Variants in NTM observed in about 807,000 individuals in gnomAD.
NTM encodes the protein neurotrimin.
A neutral mutation model predicts 42.1 loss-of-function variants in NTM; 13 were observed. That is an observed-to-expected ratio of 0.31 (90% CI 0.20 to 0.49). The LOEUF is 0.49. NTM is among the 20% of genes least tolerant of loss of function. The pLI is 0.99. For synonymous variants in NTM, 187 were observed against 179.2 expected (o/e 1.04, Z -0.35); for missense variants, 373 against 452.8 (o/e 0.82, Z 1.60).
chr11:131,513,027 T>C (rs1439283021), intron 1 of NTM, among the ~76,000 whole-genome samples: 1 of 152,200 alleles, frequency 6.6e-6, no homozygotes. Context: ...CTGCACTTAA[T>C]ACCTTGTTTT....
intron 2 of NTM, among the ~76,000 whole-genome samples, chr11:132,075,469 C>A (rs1440582335): frequency 6.6e-6 from 1 of 151,698 alleles, no homozygotes; most frequent in African/African-American, 2.4e-5. Context: ...AGATGGGATT[C>A]CAAGTTGATT....
At chr11:131,870,567 T>C (rs1188403073) in intron 1 of NTM, among the ~76,000 whole-genome samples, 1 of 152,178 alleles carries the variant, frequency 6.6e-6, no homozygotes, top group Non-Finnish European at 1.5e-5. Context: ...CTTTAAGCAG[T>C]GCCCCTTTGT....
chr11:131,831,463 TG>T (rs1308258515), intron 1 of NTM, among the ~76,000 whole-genome samples: 1 of 152,160 alleles, frequency 6.6e-6, no homozygotes, highest in African/African-American at 2.4e-5. Context: ...TCTTAGCCTA[TG>T]CCGTCCACAC....
chr11:131,630,676 T>C (rs532592511), intron 1 of NTM, among the ~76,000 whole-genome samples: 3 of 152,372 alleles, frequency 2.0e-5, no homozygotes, highest in South Asian at 2.1e-4. Context: ...TAGGCTCTTT[T>C]AGAAACTTGG....
At chr11:131,880,754 G>T (rs575569214) in intron 1 of NTM, among the ~76,000 whole-genome samples, 36 of 151,920 alleles carry the variant, frequency 2.4e-4, no homozygotes, top group African/African-American at 8.0e-4. Flanking sequence ...AAATTCCTCT[G>T]GTTCAGTTCC....
At chr11:131,694,563 C>CACCT (rs2075193381) in intron 1 of NTM, among the ~76,000 whole-genome samples, 1 of 152,124 alleles carries the variant, frequency 6.6e-6, no homozygotes, top group Admixed American at 6.5e-5. Flanking sequence ...GAGCTTAAGC[C>CACCT]ACCTGCTCGG....
At chr11:131,608,337 A>T (rs1162148347) in intron 1 of NTM, among the ~76,000 whole-genome samples, 1 of 152,210 alleles carries the variant, frequency 6.6e-6, no homozygotes, top group Non-Finnish European at 1.5e-5. Context: ...AGTGCATGAG[A>T]TGACTTGATA....
At chr11:132,147,893 G>T (rs929024820) in intron 3 of NTM, among the ~76,000 whole-genome samples, 5 of 152,278 alleles carry the variant, frequency 3.3e-5, no homozygotes, top group African/African-American at 1.2e-4. Flanking sequence ...AGAAGGAAGG[G>T]GAGGCCTGCT....
intron 1 of NTM, among the ~76,000 whole-genome samples, chr11:131,606,987 C>G (rs1454257936): frequency 6.6e-6 from 1 of 152,204 alleles, no homozygotes; most frequent in Admixed American, 6.5e-5. Context: ...CTCCTGAGCC[C>G]CCATCGTGAT....
chr11:131,722,118 A>G (rs779794072), intron 1 of NTM, among the ~76,000 whole-genome samples: 9 of 152,306 alleles, frequency 5.9e-5, no homozygotes, highest in Admixed American at 3.9e-4. Flanking sequence ...AATGCTTGGC[A>G]TACAGTCAGT....
rs181473643 is a variant in NTM, at chr11:131,914,883, A to G, written c.167+3235A>G. On this transcript the variant is annotated intron_variant, in intron 2 of 8. Coordinates refer to ENST00000683400, the MANE Select transcript of NTM (RefSeq NM_001352005.2). ...ATCTCACCTATCATTCAGCCTCATG[A>G]CATTAACACTTTAATAACAGCCCTA... Among the ~76,000 whole-genome samples the G allele has an allele frequency of 1.7e-3, 254 of 152,322 alleles. 1 individual carries two copies. The highest frequency in any genetic ancestry group is 5.8e-3 in the African/African-American group (243 of 41,576).
intron 4 of NTM, among the ~76,000 whole-genome samples, chr11:132,245,874 CAG>C (rs1476744131): frequency 1.3e-5 from 2 of 152,140 alleles, no homozygotes; most frequent in Non-Finnish European, 1.5e-5. Context: ...CCACAGTGTG[CAG>C]AGAGACTCGG....
intron 1 of NTM, among the ~76,000 whole-genome samples, chr11:131,777,309 T>G (rs562988640): frequency 1.8e-3 from 275 of 152,262 alleles, no homozygotes; most frequent in African/African-American, 6.4e-3. Context: ...CACATACATC[T>G]TAAATGAAGA....
intron 1 of NTM, among the ~76,000 whole-genome samples, chr11:131,898,092 C>T (rs979785482): frequency 6.6e-6 from 1 of 152,160 alleles, no homozygotes; most frequent in Non-Finnish European, 1.5e-5. Context: ...ATGTTGGGAT[C>T]AAAGTGGATT....
chr11:131,492,680 A>AG lies in NTM; in HGVS notation c.82+121796dup, dbSNP rs141921162. ...AGACTTCAAAGTGCACAGTGGGTTC[A>AG]GGGGACATTAAATAGATCCATGTGT... On this transcript the variant is annotated intron_variant, in intron 1 of 8. Coordinates refer to ENST00000683400, the MANE Select transcript of NTM (RefSeq NM_001352005.2). Among the ~76,000 whole-genome samples, 148 of 152,260 alleles carry AG rather than the reference A, an allele frequency of 9.7e-4. 2 individuals are homozygous for AG. The East Asian group carries it at 0.012, about 13-fold the overall frequency.
chr11:131,529,213 C>A (rs1417832056), intron 1 of NTM, among the ~76,000 whole-genome samples: 1 of 152,334 alleles, frequency 6.6e-6, no homozygotes, highest in Middle Eastern at 3.4e-3. Context: ...GTTTACCCAC[C>A]CATCTGCCCA....
At chr11:132,215,970 T>C (rs912272812) in intron 4 of NTM, among the ~76,000 whole-genome samples, 3 of 152,238 alleles carry the variant, frequency 2.0e-5, no homozygotes, top group African/African-American at 4.8e-5. Flanking sequence ...ACAGGCACCG[T>C]TGGTGGAACC....
chr11:132,181,696 G>C (rs556943709), intron 3 of NTM, among the ~76,000 whole-genome samples: 3 of 152,292 alleles, frequency 2.0e-5, no homozygotes, highest in South Asian at 4.2e-4. Flanking sequence ...CTTAATAGTG[G>C]CACTGATGTT....
At chr11:132,239,096 A>G (rs2089679952) in intron 4 of NTM, among the ~76,000 whole-genome samples, 3 of 152,234 alleles carry the variant, frequency 2.0e-5, no homozygotes, top group Non-Finnish European at 4.4e-5. Context: ...TATCCCAGAT[A>G]CAATAGACAC....
Sources: gnomAD v4.1 joint callset for allele counts (sites outside exome capture counted in the v4.1 genomes callset) on GRCh38, gnomAD v4.1.1 for gene constraint, MANE v1.5 for transcripts, NCBI Gene and HGNC (gene_info 2026-07-23, HGNC 2026-07-21) for gene names.